The following CBFA2T2 variants were observed in gnomAD, a reference collection of about 807,000 sequenced individuals.
The protein encoded by CBFA2T2 is CBFA2/RUNX1 partner transcriptional co-repressor 2.
A neutral mutation model predicts 62.2 loss-of-function variants in CBFA2T2; 11 were observed. The ratio of observed to expected loss-of-function variants is 0.18; its 90% CI spans 0.11 to 0.29. CBFA2T2 has a LOEUF of 0.29. Among genes scored for constraint, CBFA2T2 ranks in the 10% least tolerant of loss-of-function variants. The pLI is 1.00. For synonymous variants in CBFA2T2, 295 were observed against 287.5 expected (o/e 1.03, Z -0.27); for missense variants, 592 against 774.1 (o/e 0.76, Z 2.79).
chr20:33,559,162 T>C (rs2013007673), intron 1 of CBFA2T2, among the ~76,000 whole-genome samples: 1 of 148,522 alleles, frequency 6.7e-6, no homozygotes. Flanking sequence ...GCAGCTTCTT[T>C]TTTTCCTTTC....
chr20:33,560,802 A>G (rs1203372916), intron 1 of CBFA2T2, among the ~76,000 whole-genome samples: 1 of 152,160 alleles, frequency 6.6e-6, no homozygotes, highest in East Asian at 1.9e-4. Context: ...AGATTTTAGT[A>G]TAGGATATGT....
At chr20:33,592,778 GCC>G (rs1257121580) in intron 1 of CBFA2T2, among the ~76,000 whole-genome samples, 24 of 151,970 alleles carry the variant, frequency 1.6e-4, no homozygotes, top group African/African-American at 5.8e-4. Flanking sequence ...ATGGGTCACT[GCC>G]ACTTAAAAAA....
intron 1 of CBFA2T2, among the ~76,000 whole-genome samples, chr20:33,555,816 A>G (rs563675856): frequency 4.5e-4 from 69 of 152,316 alleles, no homozygotes; most frequent in African/African-American, 1.6e-3. Flanking sequence ...TCACACACTG[A>G]ATTTAACTGG....
At position 33,620,960 on chromosome 20, in the gene CBFA2T2, T is replaced by A. The variant is rs2015937366; in HGVS notation, c.510+1354T>A. Among the ~76,000 whole-genome samples the A allele has an allele frequency of 2.0e-5, 3 of 152,254 alleles. No homozygotes were observed. The South Asian group carries it at 6.2e-4, about 31-fold the overall frequency. ...TATTTCACCACATGTCCCACTAATG[T>A]CTTTTACAACAAAGAAAAACTTGGG... On this transcript the variant is annotated intron_variant, in intron 4 of 10. Transcript: ENST00000342704.
rs543368683 is a variant in CBFA2T2, at chr20:33,626,403, G to C, written c.946+1386G>C. ...CTCAGGCAAGTTGCTTGGGCTCTCT[G>C]AGCCTCAGAAGAGTAATTTCTAAAT... On this transcript the variant is annotated intron_variant, in intron 6 of 10. Coordinates refer to ENST00000342704, the MANE Select transcript of CBFA2T2 (RefSeq NM_001032999.3). Among the ~76,000 whole-genome samples the C allele has an allele frequency of 2.0e-5, 3 of 152,322 alleles. No homozygotes were observed. In the South Asian group the frequency reaches 6.2e-4, roughly 32 times the overall value.
intron 1 of CBFA2T2, among the ~76,000 whole-genome samples, chr20:33,506,893 G>C (rs2011412601): frequency 6.6e-6 from 1 of 152,154 alleles, no homozygotes; most frequent in African/African-American, 2.4e-5. Context: ...TGGACTCTGA[G>C]GAATGGTGTG....
At chr20:33,612,528 C>T (rs1268067213) in intron 3 of CBFA2T2, among the ~76,000 whole-genome samples, 3 of 152,062 alleles carry the variant, frequency 2.0e-5, no homozygotes. Flanking sequence ...ATACAACTGG[C>T]TTCTAGTATG....
At chr20:33,592,018 C>T (rs2014667932) in intron 1 of CBFA2T2, among the ~76,000 whole-genome samples, 1 of 152,114 alleles carries the variant, frequency 6.6e-6, no homozygotes, top group Non-Finnish European at 1.5e-5. Flanking sequence ...GCCTAGGGCA[C>T]AGCAAACAAG....
intron 3 of CBFA2T2, among the ~76,000 whole-genome samples, chr20:33,617,695 A>C (rs2015761742): frequency 6.6e-6 from 1 of 152,234 alleles, no homozygotes; most frequent in Admixed American, 6.5e-5. Context: ...CCTGATTACC[A>C]GAATTACAGG....
chr20:33,640,599 A>G (rs549533873), intron 10 of CBFA2T2, 68 bp downstream of exon 10: 2 of 1,444,936 alleles, frequency 1.4e-6, no homozygotes, highest in East Asian at 2.3e-5. Context: ...CCTTCCTCTC[A>G]TACGCTGGGC....
intron 1 of CBFA2T2, among the ~76,000 whole-genome samples, chr20:33,536,209 C>T (rs972492317): frequency 1.3e-5 from 2 of 152,104 alleles, no homozygotes; most frequent in African/African-American, 2.4e-5. Flanking sequence ...GGGGTGGTGG[C>T]CGGGCAGAGG....
intron 1 of CBFA2T2, chr20:33,573,934 C>T: frequency 2.7e-6 from 1 of 367,648 alleles, no homozygotes; most frequent in Non-Finnish European, 5.0e-6. Context: ...GCATTTGCCA[C>T]CATACCTGGC....
At chr20:33,614,109 C>T (rs1179984011) in intron 3 of CBFA2T2, among the ~76,000 whole-genome samples, 4 of 145,702 alleles carry the variant, frequency 2.7e-5, no homozygotes, top group Non-Finnish European at 6.0e-5. Context: ...AGCAAGACTC[C>T]GTCTCAAAAA....
intron 1 of CBFA2T2, among the ~76,000 whole-genome samples, chr20:33,491,258 A>C (rs968094034): frequency 6.6e-6 from 1 of 152,212 alleles, no homozygotes; most frequent in Non-Finnish European, 1.5e-5. Flanking sequence ...AGTAAGTTTA[A>C]AAATACCATT....
chr20:33,497,605 G>A (rs912200814), intron 1 of CBFA2T2, among the ~76,000 whole-genome samples: 1 of 146,408 alleles, frequency 6.8e-6, no homozygotes, highest in Non-Finnish European at 1.5e-5. Flanking sequence ...GCTACAGTGC[G>A]GTAGTGTGAT....
intron 8 of CBFA2T2, among the ~76,000 whole-genome samples, chr20:33,632,664 GTCT>G (rs1276654938): frequency 6.6e-6 from 1 of 150,840 alleles, no homozygotes; most frequent in Non-Finnish European, 1.5e-5. Context: ...GAGACGGCTG[GTCT>G]TCAATTCCTA....
chr20:33,535,226 AATC>A (rs1442810238), intron 1 of CBFA2T2, among the ~76,000 whole-genome samples: 1 of 152,278 alleles, frequency 6.6e-6, no homozygotes, highest in Non-Finnish European at 1.5e-5. Context: ...CCAAAGGGCT[AATC>A]TAGCCCACAG....
chr20:33,523,872 C>T (rs553984289), intron 1 of CBFA2T2, among the ~76,000 whole-genome samples: 4 of 152,066 alleles, frequency 2.6e-5, no homozygotes, highest in South Asian at 2.1e-4. Context: ...TTAGCAGAGA[C>T]GGGGTTTCTC....
rs112153976 is a variant in CBFA2T2 at position 33,526,555 on chromosome 20, T to A, written c.34+36254T>A. Among the ~76,000 whole-genome samples, 349 of 152,300 alleles carry A rather than the reference T, an allele frequency of 2.3e-3. 2 individuals are homozygous for A. The highest frequency in any genetic ancestry group is 8.1e-3 in the African/African-American group (335 of 41,574). On this transcript the variant is annotated intron_variant, in intron 1 of 10. Coordinates refer to ENST00000342704, the MANE Select transcript of CBFA2T2 (RefSeq NM_001032999.3). ...GCCACTATAAACATTTGTTTACTGGTTTTTATGTGGACACGTTTTCATTTC... is the reference window on the plus strand; with the variant it reads ...GCCACTATAAACATTTGTTTACTGGATTTTATGTGGACACGTTTTCATTTC...
Sources: allele counts gnomAD v4.1 joint callset (sites outside exome capture counted in the v4.1 genomes callset), GRCh38; gene constraint gnomAD v4.1.1; transcripts MANE v1.5; gene names NCBI Gene and HGNC (gene_info 2026-07-23, HGNC 2026-07-21).